PDXDC1: variants seen among roughly 807,000 people sequenced by gnomAD.
PDXDC1 encodes the protein pyridoxal-dependent decarboxylase domain-containing protein 1.
In PDXDC1, 42 loss-of-function variants were observed where a neutral mutation model predicts 100.1. The observed-to-expected ratio is 0.42, with a 90% CI of 0.33 to 0.54. The LOEUF (loss-of-function observed/expected upper bound fraction) is 0.54, where lower values mean the gene tolerates loss of function less well. Ranked by LOEUF, PDXDC1 falls within the 20% of genes least tolerant of loss-of-function variation. The probability of loss-of-function intolerance (pLI) is 0.10; values close to 1 mark genes in which losing one functional copy is unlikely to be tolerated. For missense variants in PDXDC1, 636 were observed against 979.2 expected (o/e 0.65, Z 4.68); for synonymous variants, 260 against 371.7 (o/e 0.70, Z 3.46).
chr16:15,062,068 A>G (rs554840427), intron 16 of PDXDC1, among the ~76,000 whole-genome samples: 7 of 152,300 alleles, frequency 4.6e-5, no homozygotes, highest in African/African-American at 1.4e-4. Context: ...AGTCCCAGCT[A>G]CTCAGGAGGT....
chr16:14,977,424 C>T (rs571248188), intron 1 of PDXDC1, among the ~76,000 whole-genome samples: 127 of 152,232 alleles, frequency 8.3e-4, no homozygotes, highest in Non-Finnish European at 1.6e-3. Context: ...TGACTACAGG[C>T]GTGTGACACC....
intron 4 of PDXDC1, among the ~76,000 whole-genome samples, chr16:15,003,220 T>C (rs1973537323): frequency 6.6e-6 from 1 of 150,660 alleles, no homozygotes; most frequent in East Asian, 2.0e-4. Context: ...TTAATTCTTT[T>C]TTTTTTTTTT....
At chr16:14,999,583 T>A (rs1204469044) in intron 3 of PDXDC1, among the ~76,000 whole-genome samples, 2 of 152,228 alleles carry the variant, frequency 1.3e-5, no homozygotes, top group Non-Finnish European at 1.5e-5. Flanking sequence ...TTATAACTGG[T>A]GTGTCATACT....
the PDXDC1 span, among the ~76,000 whole-genome samples, chr16:15,153,019 GAC>G: frequency 1.7e-4 from 2 of 11,818 alleles, no homozygotes; most frequent in African/African-American, 2.8e-4. Context: ...ACAGCCGCGA[GAC>G]ACACGCGTCC....
At chr16:15,102,217 C>A (rs982901051) in intron 16 of PDXDC1, among the ~76,000 whole-genome samples, 2 of 151,282 alleles carry the variant, frequency 1.3e-5, no homozygotes, top group African/African-American at 4.8e-5. Context: ...GTCTCGACCC[C>A]CTGGCCTCAA....
At chr16:15,145,941 A>G in the PDXDC1 span, among the ~76,000 whole-genome samples, 1 of 152,170 alleles carries the variant, frequency 6.6e-6, no homozygotes, top group East Asian at 1.9e-4. Flanking sequence ...GTCTCCCTCC[A>G]AAGTATGTTC....
At chr16:15,019,530 A>G (rs570296594) in intron 12 of PDXDC1, among the ~76,000 whole-genome samples, 6 of 152,414 alleles carry the variant, frequency 3.9e-5, no homozygotes, top group Admixed American at 3.9e-4. Context: ...TAATTTATAA[A>G]CAACAGACAT....
chr16:15,145,672 G>A, the PDXDC1 span, among the ~76,000 whole-genome samples: 1 of 152,250 alleles, frequency 6.6e-6, no homozygotes, highest in South Asian at 2.1e-4. Context: ...CCGGCCCCTA[G>A]GCGAGGACAG....
rs1166424170 is a variant in PDXDC1 at position 15,036,108 on chromosome 16, C to T, written c.2200C>T (p.Arg734Cys). Residue 734 changes from arginine to cysteine, a missense_variant, in exon 23 of 23, where the codon CGC (arginine) becomes TGC (cysteine). By Grantham distance (180) the Arg-to-Cys change is radical. This residue lies in a region of PDXDC1 where 452 missense variants were observed against 402.9 expected (regional missense o/e 1.12). Transcript: ENST00000396410. ...SHIEDLEKVE[R>C]LSSGPEQITL... ...CATTGAAGACTTAGAAAAGGTGGAG[C>T]GCCTATCCAGTGGGCCGGAGCAGAT... 8.7e-6 allele frequency: 14 copies of T among 1,613,956 alleles called. No individual in the cohort carries two copies. Among genetic ancestry groups the T allele is most frequent in the East Asian group, 6.7e-5 (3 of 44,880 alleles).
chr16:15,074,076 G>C (rs2045349822), intron 16 of PDXDC1, among the ~76,000 whole-genome samples: 3 of 152,120 alleles, frequency 2.0e-5, no homozygotes, highest in Admixed American at 2.0e-4. Context: ...TGCTCACAAT[G>C]GTTCTCTGAA....
intron 16 of PDXDC1, chr16:15,130,773 TC>T: frequency 8.4e-7 from 1 of 1,186,952 alleles, no homozygotes; most frequent in Non-Finnish European, 1.3e-6. Flanking sequence ...GGGCTCGGGT[TC>T]CTCAGACAGG....
intron 1 of PDXDC1, among the ~76,000 whole-genome samples, chr16:14,984,495 A>ATATATATAT (rs1555542734): frequency 4.1e-5 from 3 of 73,492 alleles, no homozygotes; most frequent in East Asian, 6.5e-4. Context: ...ATATATATAT[A>ATATATATAT]TTTTTTTTTT....
At chr16:15,133,440 G>T (rs1469661154) in intron 16 of PDXDC1, 1 of 979,100 alleles carries the variant, frequency 1.0e-6, no homozygotes, top group Non-Finnish European at 1.6e-6. Flanking sequence ...GCAGAGGGGG[G>T]TGGTGAGCAG....
intron 16 of PDXDC1, chr16:15,127,221 T>A (rs2047783693): frequency 2.3e-6 from 1 of 437,688 alleles, no homozygotes; most frequent in Admixed American, 3.2e-5. Context: ...TCTGGCGTGC[T>A]GCTGTGCAGT....
chr16:15,077,188 A>C (rs2045495974), intron 16 of PDXDC1, among the ~76,000 whole-genome samples: 2 of 151,888 alleles, frequency 1.3e-5, no homozygotes, highest in South Asian at 4.2e-4. Flanking sequence ...CATGTTAGTC[A>C]GGCTGGTCTC....
intron 16 of PDXDC1, among the ~76,000 whole-genome samples, chr16:15,075,060 G>A (rs1333874915): frequency 1.3e-5 from 2 of 151,946 alleles, no homozygotes; most frequent in Non-Finnish European, 2.9e-5. Flanking sequence ...GACCAGCCTG[G>A]CCAACATGGT....
chr16:15,094,120 C>G (rs763302778), intron 16 of PDXDC1: 1 of 1,574,762 alleles, frequency 6.4e-7, no homozygotes, highest in Non-Finnish European at 8.6e-7. Flanking sequence ...CCCAGATACG[C>G]AGAAGGAAGC....
At chr16:14,995,392 A>G (rs1187219499) in intron 1 of PDXDC1, among the ~76,000 whole-genome samples, 4 of 152,288 alleles carry the variant, frequency 2.6e-5, no homozygotes, top group Non-Finnish European at 5.9e-5. Context: ...GCATGTATTG[A>G]GATAATCGTA....
At chr16:15,072,079 G>A (rs2045256612) in intron 16 of PDXDC1, among the ~76,000 whole-genome samples, 1 of 152,092 alleles carries the variant, frequency 6.6e-6, no homozygotes, top group African/African-American at 2.4e-5. Context: ...TCTCACCAAA[G>A]GGTGTAACTT....
Sources: allele counts gnomAD v4.1 joint callset (sites outside exome capture counted in the v4.1 genomes callset), GRCh38; gene constraint gnomAD v4.1.1; regional missense constraint gnomAD v4.1.1; transcripts MANE v1.5; gene names NCBI Gene and HGNC (gene_info 2026-07-23, HGNC 2026-07-21).